Variants in B3GALNT2 observed in about 807,000 individuals in gnomAD.
B3GALNT2 encodes beta-1,3-N-acetylgalactosaminyltransferase 2.
B3GALNT2 carries 53 observed loss-of-function variants against 61.1 expected under a neutral mutation model. That is an observed-to-expected ratio of 0.87 (90% CI 0.70 to 1.09). B3GALNT2 has a LOEUF of 1.09. Ranked by LOEUF, B3GALNT2 falls within the 50% of genes least tolerant of loss-of-function variation. The pLI is 0.00. For missense variants in B3GALNT2, 544 were observed against 623.0 expected (o/e 0.87, Z 1.35); for synonymous variants, 223 against 237.4 (o/e 0.94, Z 0.56).
intron 4 of B3GALNT2, among the ~76,000 whole-genome samples, chr1:235,480,684 C>T (rs1195281705): frequency 5.9e-5 from 9 of 151,938 alleles, no homozygotes; most frequent in Admixed American, 4.6e-4. Context: ...GCAGGCAGAT[C>T]ACTTGAGGTC....
downstream of B3GALNT2, among the ~76,000 whole-genome samples, chr1:235,443,786 A>G (rs937253068): frequency 6.6e-6 from 1 of 152,214 alleles, no homozygotes; most frequent in Non-Finnish European, 1.5e-5. Flanking sequence ...TCTTTGAGAA[A>G]GCTACCTTAG....
At chr1:235,460,598 G>T (rs1318304001) in intron 7 of B3GALNT2, among the ~76,000 whole-genome samples, 1 of 149,836 alleles carries the variant, frequency 6.7e-6, no homozygotes, top group Non-Finnish European at 1.5e-5. Context: ...TTTTGAGACA[G>T]GGTCTTGTTC....
At chr1:235,488,645 T>C (rs1271377393) in intron 3 of B3GALNT2, among the ~76,000 whole-genome samples, 1 of 118,312 alleles carries the variant, frequency 8.5e-6, no homozygotes, top group Non-Finnish European at 1.6e-5. Flanking sequence ...TGAGCTGAGA[T>C]AGCACCACTG....
At position 235,504,445 on chromosome 1, in the gene B3GALNT2, C is replaced by T; in HGVS notation, c.-193G>A. ...TCCGGTCCCTCAGACCGCGGGTGGC[C>T]GCGGCTTAGCCGGCCGAAGCCCCGC... On this transcript the variant is annotated 5_prime_UTR_variant, in exon 1 of 12. Coordinates refer to ENST00000366600, the MANE Select transcript of B3GALNT2 (RefSeq NM_152490.5). 3.7e-6 allele frequency: 2 copies of T among 533,340 alleles called. No individual in the cohort carries two copies. The highest frequency in any genetic ancestry group is 4.0e-5 in the East Asian group (1 of 24,932). The allele number at this position is 533,340 out of a possible 1,614,324, so 33.0% of individuals were successfully genotyped here.
Position 235,454,176 on chromosome 1 carries a change from C to T in B3GALNT2, c.1291G>A (p.Gly431Arg), listed in dbSNP as rs199643585. Residue 431 changes from glycine (G) to arginine (R), a missense_variant, in exon 10 of 12, where the codon GGG (glycine) becomes AGG (arginine). Physicochemically the swap from Gly to Arg is moderately radical, Grantham distance 125. Transcript: ENST00000366600. Reference sequence around the variant, plus strand: ...ATTACCTGATAGGTCTTTAACCTCCCCGAGTTGCTTGCCAGCCACTTGACG... The same window carrying T: ...ATTACCTGATAGGTCTTTAACCTCCTCGAGTTGCTTGCCAGCCACTTGACG... ...DIVKWLASNS[G>R]RLKTYQGEDV... 2 of 1,611,586 alleles carry T rather than the reference C, an allele frequency of 1.2e-6. No individual in the cohort carries two copies. Among genetic ancestry groups the T allele is most frequent in the East Asian group, 2.2e-5 (1 of 44,642 alleles).
At position 235,458,759 on chromosome 1, in the gene B3GALNT2, T is replaced by C; in HGVS notation, c.869A>G (p.His290Arg). 2 of 1,600,776 alleles carry C rather than the reference T, an allele frequency of 1.2e-6. No homozygotes were observed. The highest frequency in any genetic ancestry group is 1.7e-6 in the Non-Finnish European group (2 of 1,176,054). The change falls in exon 8 of 12, where the codon CAT (histidine) becomes CGT (arginine). Residue 290 changes from histidine (H) to arginine (R), a missense_variant. His to Arg is a conservative substitution (Grantham distance 29, BLOSUM62 0). Coordinates refer to ENST00000366600, the MANE Select transcript of B3GALNT2 (RefSeq NM_152490.5). ...ATCAATAAGTCTTTGAGGGCGAGAA[T>C]GAAGGTTGTGTAAGAGAGCATCACC... ...QEGDALLHNL[H>R]SRPQRLIDHI...
At chr1:235,486,808 G>C (rs1396886022) in intron 3 of B3GALNT2, among the ~76,000 whole-genome samples, 1 of 152,158 alleles carries the variant, frequency 6.6e-6, no homozygotes, top group African/African-American at 2.4e-5. Context: ...ATTGTAATTT[G>C]TTGGAGGATA....
rs1013383965 is a variant in B3GALNT2 at position 235,504,221 on chromosome 1, C to G, written c.32G>C (p.Cys11Ser). The G allele has an allele frequency of 2.0e-6, 3 of 1,474,444 alleles. No individual in the cohort carries two copies. Among genetic ancestry groups the G allele is most frequent in the Non-Finnish European group, 2.7e-6 (3 of 1,119,800 alleles). 91.3% of individuals were successfully genotyped at this position (1,474,444 alleles called of 1,614,324 possible). ...GAGGTGCAGCGCGGCCCCGAGCACA[C>G]ACGGGCACAGCAGCACCAGCCAGTT... MRNWLVLLCP[C>S]VLGAALHLWL... Residue 11 changes from cysteine (C) to serine (S), a missense_variant, in exon 1 of 12, where the codon TGT becomes TCT. Cys to Ser is a moderately radical substitution (Grantham distance 112). Coordinates refer to ENST00000366600, the MANE Select transcript of B3GALNT2 (RefSeq NM_152490.5).
At chr1:235,452,798 C>T (rs1682988615) in intron 11 of B3GALNT2, among the ~76,000 whole-genome samples, 1 of 152,152 alleles carries the variant, frequency 6.6e-6, no homozygotes, top group Non-Finnish European at 1.5e-5. Context: ...AAGTGATACA[C>T]CCACCTTGGC....
At chr1:235,458,399 GAAC>G (rs1470633491) in intron 8 of B3GALNT2, among the ~76,000 whole-genome samples, 6 of 151,890 alleles carry the variant, frequency 4.0e-5, no homozygotes, top group Admixed American at 1.3e-4. Context: ...GATAGCAAAA[GAAC>G]AATAAGGCAC....
Position 235,448,878 on chromosome 1 carries a change from C to T in B3GALNT2, c.*1328G>A. 6.3e-6 allele frequency: 5 copies of T among 795,872 alleles called. No individual in the cohort carries two copies. Among genetic ancestry groups the T allele is most frequent in the Non-Finnish European group, 1.1e-5 (5 of 469,352 alleles). The allele number at this position is 795,872 out of a possible 1,614,324, so 49.3% of individuals were successfully genotyped here. ...AAACAAAGGGGGTTTACAACTTGTC[C>T]TAAGTATAACAAGGGATGTATTTTT... On this transcript the variant is annotated 3_prime_UTR_variant, in exon 12 of 12. Coordinates refer to ENST00000366600, the MANE Select transcript of B3GALNT2 (RefSeq NM_152490.5).
chr1:235,474,975 ATATATATATATATTTTT>A (rs1378983158), intron 5 of B3GALNT2, among the ~76,000 whole-genome samples: 23 of 28,132 alleles, frequency 8.2e-4, no homozygotes, highest in Middle Eastern at 0.032. Flanking sequence ...ATATATATAT[ATATATATATATATTTTT>A]TTTTTTTTTT....
At chr1:235,443,700 A>C (rs765875862), downstream of B3GALNT2, among the ~76,000 whole-genome samples, 3 of 152,092 alleles carry the variant, frequency 2.0e-5, no homozygotes, top group Non-Finnish European at 4.4e-5. Context: ...CTTACATTCT[A>C]CTTCTCCTGA....
chr1:235,477,024 C>CAA (rs113918092), intron 5 of B3GALNT2, among the ~76,000 whole-genome samples: 19 of 110,700 alleles, frequency 1.7e-4, no homozygotes, highest in Middle Eastern at 4.6e-3. Context: ...GAGCCTGTCT[C>CAA]AAAAAAAAAA....
intron 7 of B3GALNT2, among the ~76,000 whole-genome samples, chr1:235,462,029 A>C (rs1019111449): frequency 8.5e-5 from 13 of 152,196 alleles, no homozygotes; most frequent in African/African-American, 3.1e-4. Context: ...AGCAAGTTTA[A>C]GGTAGGTGAG....
chr1:235,465,070 G>C (rs1341411653), intron 7 of B3GALNT2: 1 of 152,200 alleles, frequency 6.6e-6, no homozygotes, highest in Non-Finnish European at 1.5e-5. Context: ...TCTACTCCTA[G>C]ACATTTAAGA....
At position 235,448,705 on chromosome 1, in the gene B3GALNT2, A is replaced by G. The variant is rs766807109; in HGVS notation, c.*1501T>C. On this transcript the variant is annotated 3_prime_UTR_variant, in exon 12 of 12. Coordinates refer to ENST00000366600, the MANE Select transcript of B3GALNT2 (RefSeq NM_152490.5). ...GAGAAATCGAGCTGGAAAATGACCT[A>G]AAGTCATTACAGTTTTATTCTGTGG... The G allele has an allele frequency of 1.9e-6, 3 of 1,614,066 alleles. No individual in the cohort carries two copies. Among genetic ancestry groups the G allele is most frequent in the Non-Finnish European group, 1.7e-6 (2 of 1,179,928 alleles).
chr1:235,450,526 C>T, intron 11 of B3GALNT2, 186 bp from the exon 12 acceptor site: 1 of 618,968 alleles, frequency 1.6e-6, no homozygotes, highest in Non-Finnish European at 2.8e-6. Context: ...GCACCAGGTC[C>T]CACAGTCCTG....
At chr1:235,503,936 A>C (rs381674) in intron 1 of B3GALNT2, among the ~76,000 whole-genome samples, 68,677 of 152,034 alleles carry the variant, frequency 0.45, 16,192 homozygotes, top group Non-Finnish European at 0.51. Context: ...AAGTGAGAAG[A>C]GGCGGGGACA....
Sources: allele counts gnomAD v4.1 joint callset (sites outside exome capture counted in the v4.1 genomes callset), GRCh38; gene constraint gnomAD v4.1.1; transcripts MANE v1.5; gene names NCBI Gene and HGNC (gene_info 2026-07-23, HGNC 2026-07-21).